The following FBLN1 variants were observed in gnomAD, a reference collection of about 807,000 sequenced individuals.
FBLN1 encodes fibulin-1.
FBLN1 carries 34 observed loss-of-function variants against 89.7 expected under a neutral mutation model. The ratio of observed to expected loss-of-function variants is 0.38; its 90% CI spans 0.29 to 0.50. The LOEUF is 0.50. FBLN1 is among the 20% of genes least tolerant of loss of function. FBLN1 has a pLI of 0.92. For missense variants in FBLN1, 777 were observed against 988.1 expected (o/e 0.79, Z 2.86); for synonymous variants, 393 against 391.3 (o/e 1.00, Z -0.05).
intron 8 of FBLN1, 125 bp from the exon 9 acceptor site, chr22:45,541,104 G>C (rs2088549723): frequency 8.0e-7 from 1 of 1,257,374 alleles, no homozygotes; most frequent in Non-Finnish European, 1.2e-6. Context: ...GAGTGAGGGG[G>C]TTGAGCCCCT....
At chr22:45,553,626 A>G (rs1410326413) in intron 14 of FBLN1, among the ~76,000 whole-genome samples, 1 of 152,226 alleles carries the variant, frequency 6.6e-6, no homozygotes, top group African/African-American at 2.4e-5. Flanking sequence ...TGCATTAGTC[A>G]TTTGCAAAGC....
chr22:45,564,648 G>A (rs984163264), intron 14 of FBLN1, among the ~76,000 whole-genome samples: 1 of 152,174 alleles, frequency 6.6e-6, no homozygotes, highest in Admixed American at 6.5e-5. Flanking sequence ...CTTGTAACAG[G>A]CTGCGGTTCC....
At chr22:45,582,787 G>A (rs1601537938) in intron 16 of FBLN1, among the ~76,000 whole-genome samples, 1 of 152,216 alleles carries the variant, frequency 6.6e-6, no homozygotes, top group South Asian at 2.1e-4. Flanking sequence ...TGCACGTGTG[G>A]CTGGGTGTGG....
chr22:45,592,973 C>T (rs2089152013), intron 16 of FBLN1, among the ~76,000 whole-genome samples: 1 of 152,180 alleles, frequency 6.6e-6, no homozygotes, highest in Non-Finnish European at 1.5e-5. Context: ...CTGCACACTC[C>T]ATTACACGTT....
intron 16 of FBLN1, among the ~76,000 whole-genome samples, chr22:45,594,129 C>A (rs2089162970): frequency 7.0e-6 from 1 of 142,102 alleles, no homozygotes. Context: ...ATGGATGGAA[C>A]CAGGCCCCTG....
chr22:45,546,663 T>C (rs184734807), intron 11 of FBLN1, among the ~76,000 whole-genome samples: 2 of 152,296 alleles, frequency 1.3e-5, no homozygotes, highest in South Asian at 2.1e-4. Context: ...GTTCTGTGCA[T>C]TGGAGTATGA....
At chr22:45,538,501 TC>T (rs548573680) in intron 8 of FBLN1, among the ~76,000 whole-genome samples, 3 of 152,054 alleles carry the variant, frequency 2.0e-5, no homozygotes, top group Admixed American at 6.5e-5. Flanking sequence ...CACTTGCTTT[TC>T]CCCCCCACTT....
At chr22:45,524,345 C>T (rs1379478410) in intron 2 of FBLN1, among the ~76,000 whole-genome samples, 1 of 152,240 alleles carries the variant, frequency 6.6e-6, no homozygotes, top group Non-Finnish European at 1.5e-5. Flanking sequence ...TGACACACTC[C>T]TCTCCTGCTC....
At chr22:45,596,074 T>G (rs1007746900) in intron 16 of FBLN1, among the ~76,000 whole-genome samples, 5 of 152,200 alleles carry the variant, frequency 3.3e-5, no homozygotes, top group Non-Finnish European at 7.3e-5. Context: ...TTTCACCGTG[T>G]TAGCCAGGAT....
chr22:45,600,832 C>CTTTT lies in FBLN1; in HGVS notation c.*398_*401dup. On this transcript the variant is annotated 3_prime_UTR_variant, in exon 17 of 17. Coordinates refer to ENST00000327858, the MANE Select transcript of FBLN1 (RefSeq NM_006486.3). ...TTGTATGAAATTTGACATTTTGGCA[C>CTTTT]TTTTTTTTTTTTTTTGGCCAATCAG... 2 of 254,082 alleles carry CTTTT rather than the reference C, an allele frequency of 7.9e-6. No individual in the cohort carries two copies. The highest frequency in any genetic ancestry group is 7.5e-6 in the Non-Finnish European group (1 of 132,888). 15.7% of individuals were successfully genotyped at this position (254,082 alleles called of 1,614,324 possible).
rs2089194763 is a variant in FBLN1 at position 45,597,179 on chromosome 22, T to A, written c.1973-3128T>A. On this transcript the variant is annotated intron_variant, in intron 16 of 16. Coordinates refer to ENST00000327858, the MANE Select transcript of FBLN1 (RefSeq NM_006486.3). This position sits in a 1 kb window ranked among gnomAD's most constrained non-coding sequence, Gnocchi z 4.2. The stretch of plus-strand genomic sequence containing the variant: ...CACCATGCCTGGCTAATTTTTGTAT[T>A]TTTTGTAGAGACAGGGTTTTGCCAC... Among the ~76,000 whole-genome samples, 1 of 152,234 alleles carries A rather than the reference T, an allele frequency of 6.6e-6. No individual in the cohort carries two copies. The highest frequency in any genetic ancestry group is 2.1e-4 in the South Asian group (1 of 4,818).
chr22:45,590,495 G>C lies in FBLN1; in HGVS notation c.1973-9812G>C, dbSNP rs755510801. 5.3e-5 allele frequency among the ~76,000 whole-genome samples: 8 copies of C among 152,206 alleles called. No individual in the cohort carries two copies. The highest frequency in any genetic ancestry group is 1.7e-4 in the African/African-American group (7 of 41,454). On this transcript the variant is annotated intron_variant, in intron 16 of 16. Transcript: ENST00000327858. This position sits in a 1 kb window ranked among gnomAD's most constrained non-coding sequence, Gnocchi z 4.1. Reference sequence around the variant, plus strand: ...CGTCTCACCTGCTGTGAGCCCGGGTGGGGGTAGGGTGAGAAGAGCCCCCTG... The same window carrying C: ...CGTCTCACCTGCTGTGAGCCCGGGTCGGGGTAGGGTGAGAAGAGCCCCCTG...
chr22:45,526,478 C>T (rs538946373), intron 3 of FBLN1, among the ~76,000 whole-genome samples: 3 of 152,332 alleles, frequency 2.0e-5, no homozygotes, highest in Non-Finnish European at 2.9e-5. Context: ...CCTGGAGGAG[C>T]TCGGGTTTGG....
chr22:45,585,622 G>A (rs1316440416), intron 16 of FBLN1, among the ~76,000 whole-genome samples: 1 of 152,214 alleles, frequency 6.6e-6, no homozygotes, highest in Non-Finnish European at 1.5e-5. Flanking sequence ...CCACACCCTG[G>A]CTGGCAGCCA....
chr22:45,593,826 C>T (rs950049792), intron 16 of FBLN1, among the ~76,000 whole-genome samples: 1 of 152,190 alleles, frequency 6.6e-6, no homozygotes, highest in African/African-American at 2.4e-5. Context: ...TTTTCTTCTT[C>T]TTCTGCCTTC....
chr22:45,504,505 G>A (rs913405369), intron 1 of FBLN1, among the ~76,000 whole-genome samples: 1 of 152,068 alleles, frequency 6.6e-6, no homozygotes, highest in Admixed American at 6.5e-5. Context: ...CTGCCAGCTG[G>A]AGGGAAAACC....
intron 4 of FBLN1, 90 bp downstream of exon 4, chr22:45,528,099 A>T (rs2088355247): frequency 6.8e-7 from 1 of 1,465,084 alleles, no homozygotes; most frequent in Admixed American, 1.8e-5. Context: ...GAGAGATTTT[A>T]AGGACTTGGC....
chr22:45,523,091 A>G, intron 2 of FBLN1: 2 of 763,956 alleles, frequency 2.6e-6, no homozygotes, highest in South Asian at 2.8e-5. Context: ...ATAATTTTAG[A>G]GCCGTGGGGT....
chr22:45,589,728 C>T (rs1292671290), intron 16 of FBLN1, among the ~76,000 whole-genome samples: 2 of 152,144 alleles, frequency 1.3e-5, no homozygotes, highest in Non-Finnish European at 2.9e-5. Context: ...GGCCTGCCCT[C>T]TCATCAGCCT....
Sources: gnomAD v4.1 joint callset for allele counts (sites outside exome capture counted in the v4.1 genomes callset) on GRCh38, gnomAD v4.1.1 for gene constraint, Gnocchi (gnomAD v3.1) non-coding constraint, MANE v1.5 for transcripts, NCBI Gene and HGNC (gene_info 2026-07-23, HGNC 2026-07-21) for gene names.